Variants in PCDH9 observed in about 807,000 individuals in gnomAD.
The protein encoded by PCDH9 is protocadherin 9, also known as protocadherin-9.
In PCDH9, 24 loss-of-function variants were observed where a neutral mutation model predicts 70.6. The observed-to-expected ratio is 0.34, with a 90% CI of 0.25 to 0.48. The LOEUF (loss-of-function observed/expected upper bound fraction) is 0.48, where lower values mean the gene tolerates loss of function less well. Ranked by LOEUF, PCDH9 falls within the 20% of genes least tolerant of loss-of-function variation. The pLI, the probability that PCDH9 is intolerant of heterozygous loss-of-function variation, is 0.99. For missense variants in PCDH9, 1,281 were observed against 1,503.6 expected, an observed-to-expected ratio of 0.85 and a Z score of 2.45; for synonymous variants, 562 against 558.5, an observed-to-expected ratio of 1.01 and a Z score of -0.09.
chr13:66,926,740 C>G (rs930180591), intron 2 of PCDH9, among the ~76,000 whole-genome samples: 104 of 152,150 alleles, frequency 6.8e-4, no homozygotes, highest in African/African-American at 2.5e-3. Flanking sequence ...ATTCCACAAG[C>G]GTTTTTCATG....
At chr13:66,549,739 G>T (rs1961394944) in intron 4 of PCDH9, among the ~76,000 whole-genome samples, 1 of 151,946 alleles carries the variant, frequency 6.6e-6, no homozygotes, top group East Asian at 1.9e-4. Context: ...AATAATTAAG[G>T]CTGGGTGTGT....
chr13:66,854,890 T>C (rs1886313), intron 3 of PCDH9, among the ~76,000 whole-genome samples: 2,018 of 152,218 alleles, frequency 0.013, 43 homozygotes, highest in African/African-American at 0.046. Context: ...TTGATTGATA[T>C]ATGGAAATGT....
chr13:66,502,398 AT>A (rs1959181300), intron 4 of PCDH9, among the ~76,000 whole-genome samples: 1 of 152,152 alleles, frequency 6.6e-6, no homozygotes. Flanking sequence ...ACTTATAAAA[AT>A]ATTATCTACC....
chr13:67,019,439 C>T (rs2084631550), intron 2 of PCDH9, among the ~76,000 whole-genome samples: 1 of 151,978 alleles, frequency 6.6e-6, no homozygotes, highest in South Asian at 2.1e-4. Context: ...TCATGATCCT[C>T]CCGCCTCAGC....
chr13:66,727,491 T>C lies in PCDH9; in HGVS notation c.3139-96080A>G, dbSNP rs995886901. Among the ~76,000 whole-genome samples the C allele has an allele frequency of 7.2e-5, 11 of 152,184 alleles. No homozygotes were observed. The East Asian group carries it at 2.1e-3, about 29-fold the overall frequency. On this transcript the variant is annotated intron_variant, in intron 3 of 4. Transcript: ENST00000377865. ...AAGAGATTTACAGAAATTATTACAC[T>C]AGTGGGGAAAAATGCCACTAGAGTC...
intron 2 of PCDH9, among the ~76,000 whole-genome samples, chr13:67,044,425 T>C (rs9529175): frequency 0.36 from 54,918 of 151,966 alleles, 10,913 homozygotes; most frequent in East Asian, 0.58. Context: ...ATGGCATCCT[T>C]AGCGCTTCTC....
chr13:66,560,970 G>C (rs1202019897), intron 4 of PCDH9, among the ~76,000 whole-genome samples: 1 of 152,244 alleles, frequency 6.6e-6, no homozygotes, highest in Non-Finnish European at 1.5e-5. Flanking sequence ...GGTGGCACTT[G>C]AGGAGCCCTT....
chr13:66,545,863 G>A (rs182385011), intron 4 of PCDH9, among the ~76,000 whole-genome samples: 30 of 143,612 alleles, frequency 2.1e-4, no homozygotes, highest in African/African-American at 4.1e-4. Flanking sequence ...ATTTTGAGAC[G>A]GAGTCTCACT....
intron 2 of PCDH9, among the ~76,000 whole-genome samples, chr13:67,044,750 G>A (rs1387677137): frequency 1.3e-5 from 2 of 152,158 alleles, no homozygotes; most frequent in Non-Finnish European, 2.9e-5. Context: ...GCAAATTCAT[G>A]AAGGTGGTGA....
At chr13:67,213,206 C>CAAAAAAAAAAAAAAAAAAAAAA (rs34813503) in intron 2 of PCDH9, 5 of 20,544 alleles carry the variant, frequency 2.4e-4, no homozygotes, top group African/African-American at 5.1e-4. Context: ...GACTCCGTCA[C>CAAAAAAAAAAAAAAAAAAAAAA]AAAAAAAAAA....
chr13:66,527,466 T>C (rs1283331132), intron 4 of PCDH9, among the ~76,000 whole-genome samples: 2 of 152,098 alleles, frequency 1.3e-5, no homozygotes, highest in Non-Finnish European at 2.9e-5. Flanking sequence ...TTAATTTCTA[T>C]AAAACAGGTA....
chr13:66,862,372 A>G (rs1218327897), intron 3 of PCDH9, among the ~76,000 whole-genome samples: 1 of 152,186 alleles, frequency 6.6e-6, no homozygotes, highest in East Asian at 1.9e-4. Flanking sequence ...GTAAAGCATG[A>G]TATGTCTAGC....
chr13:66,506,466 A>G (rs1359175943), intron 4 of PCDH9, among the ~76,000 whole-genome samples: 1 of 152,244 alleles, frequency 6.6e-6, no homozygotes. Flanking sequence ...CAGAAATGAG[A>G]AAATGCTCAT....
chr13:66,859,810 T>G (rs1232600699), intron 3 of PCDH9, among the ~76,000 whole-genome samples: 1 of 152,172 alleles, frequency 6.6e-6, no homozygotes, highest in Admixed American at 6.5e-5. Context: ...GTCACATAAT[T>G]ACTGATTGCT....
At chr13:66,815,000 A>T (rs561325927) in intron 3 of PCDH9, among the ~76,000 whole-genome samples, 3 of 150,526 alleles carry the variant, frequency 2.0e-5, no homozygotes, top group Admixed American at 2.0e-4. Context: ...AAATATTTGC[A>T]ATCTACACAT....
intron 3 of PCDH9, among the ~76,000 whole-genome samples, chr13:66,900,307 C>T (rs2082256241): frequency 6.6e-6 from 1 of 151,796 alleles, no homozygotes; most frequent in South Asian, 2.1e-4. Flanking sequence ...TCATACCTAC[C>T]TAATGGGATT....
chr13:66,357,225 A>G (rs1428277185), intron 4 of PCDH9, among the ~76,000 whole-genome samples: 1 of 152,014 alleles, frequency 6.6e-6, no homozygotes, highest in Non-Finnish European at 1.5e-5. Flanking sequence ...GTGATCAGGT[A>G]AGATTCCAAT....
intron 2 of PCDH9, among the ~76,000 whole-genome samples, chr13:66,919,644 C>T (rs977363522): frequency 1.3e-4 from 20 of 150,972 alleles, no homozygotes; most frequent in African/African-American, 4.1e-4. Flanking sequence ...AGAGTTTGCA[C>T]GGAGGCACAG....
At chr13:66,570,643 G>C (rs2076721105) in intron 4 of PCDH9, among the ~76,000 whole-genome samples, 1 of 152,060 alleles carries the variant, frequency 6.6e-6, no homozygotes, top group African/African-American at 2.4e-5. Flanking sequence ...AGAAGAAGAT[G>C]CATAGTGAAC....
Sources: gnomAD v4.1 joint callset for allele counts (sites outside exome capture counted in the v4.1 genomes callset) on GRCh38, gnomAD v4.1.1 for gene constraint, MANE v1.5 for transcripts, NCBI Gene and HGNC (gene_info 2026-07-23, HGNC 2026-07-21) for gene names.